The following PDE1C variants were observed in gnomAD, a reference collection of about 807,000 sequenced individuals.
PDE1C encodes phosphodiesterase 1C, also known as dual specificity calcium/calmodulin-dependent 3',5'-cyclic nucleotide phosphodiesterase 1C.
PDE1C carries 62 observed loss-of-function variants against 93.1 expected under a neutral mutation model. The observed-to-expected ratio is 0.67, with a 90% CI of 0.54 to 0.82. The LOEUF (loss-of-function observed/expected upper bound fraction) is 0.82. PDE1C is among the 40% of genes least tolerant of loss of function. PDE1C has a pLI of 0.00. For synonymous variants in PDE1C, 325 were observed against 310.1 expected (o/e 1.05, Z -0.50); for missense variants, 742 against 884.6 (o/e 0.84, Z 2.04).
At chr7:31,893,541 CT>C in intron 2 of PDE1C, 1 of 968,948 alleles carries the variant, frequency 1.0e-6, no homozygotes, top group Non-Finnish European at 1.2e-6. Context: ...AATGGGACTC[CT>C]TTCACTTTTA....
intron 1 of PDE1C, among the ~76,000 whole-genome samples, chr7:32,335,058 T>C (rs1783590993): frequency 6.6e-6 from 1 of 152,236 alleles, no homozygotes; most frequent in African/African-American, 2.4e-5. Context: ...CCCATGCATG[T>C]GAAATATTTA....
the PDE1C span, among the ~76,000 whole-genome samples, chr7:31,711,882 C>T: frequency 9.2e-4 from 140 of 152,276 alleles, no homozygotes; most frequent in Non-Finnish European, 1.6e-3. Flanking sequence ...TGCTTCCCCC[C>T]ACCCTGCTTT....
chr7:31,751,009 G>A (rs531664138), downstream of PDE1C, among the ~76,000 whole-genome samples: 31 of 152,272 alleles, frequency 2.0e-4, no homozygotes, highest in African/African-American at 7.0e-4. Context: ...GGTGTATAGG[G>A]AGAAAAAGGT....
intron 3 of PDE1C, among the ~76,000 whole-genome samples, chr7:32,084,067 A>C (rs1369609431): frequency 6.6e-6 from 1 of 152,138 alleles, no homozygotes; most frequent in African/African-American, 2.4e-5. Context: ...AAATTGGATA[A>C]AGAGTCATGA....
chr7:32,142,603 T>C (rs1472052310), intron 3 of PDE1C, among the ~76,000 whole-genome samples: 1 of 152,144 alleles, frequency 6.6e-6, no homozygotes, highest in Non-Finnish European at 1.5e-5. Context: ...GGAGATAACA[T>C]GCACCACTTC....
chr7:32,138,396 A>C (rs1800326154), intron 3 of PDE1C, among the ~76,000 whole-genome samples: 1 of 152,198 alleles, frequency 6.6e-6, no homozygotes, highest in Admixed American at 6.5e-5. Flanking sequence ...GTCAGTACAT[A>C]ATTATATCAA....
At chr7:31,780,654 C>G (rs752036597) in intron 16 of PDE1C, among the ~76,000 whole-genome samples, 3 of 152,190 alleles carry the variant, frequency 2.0e-5, no homozygotes, top group Non-Finnish European at 4.4e-5. Context: ...GAGAAAACAT[C>G]AATGTCAGGA....
intron 2 of PDE1C, among the ~76,000 whole-genome samples, chr7:31,913,749 T>C (rs73308621): frequency 0.034 from 5,163 of 152,310 alleles, 280 homozygotes; most frequent in African/African-American, 0.12. Flanking sequence ...TGCAAACTTA[T>C]ATTTGTCCTT....
At position 31,957,081 on chromosome 7, in the gene PDE1C, A is replaced by G. The variant is rs114397571; in HGVS notation, c.129-76221T>C. On this transcript the variant is annotated intron_variant, in intron 2 of 17. Transcript: ENST00000396191. ...AATTCATTAATTACTCTTTTTAAAGAGGTAAAAATAATTGCTCTGTATTAA... is the reference window on the plus strand; with the variant it reads ...AATTCATTAATTACTCTTTTTAAAGGGGTAAAAATAATTGCTCTGTATTAA... 9.1e-3 allele frequency among the ~76,000 whole-genome samples: 1,382 copies of G among 151,694 alleles called. 14 individuals are homozygous for G. Among genetic ancestry groups the G allele is most frequent in the African/African-American group, 0.029 (1,201 of 41,262 alleles).
intron 3 of PDE1C, among the ~76,000 whole-genome samples, chr7:32,123,913 A>G (rs1799433307): frequency 6.6e-6 from 1 of 152,208 alleles, no homozygotes; most frequent in Non-Finnish European, 1.5e-5. Flanking sequence ...AGGAAGTCAA[A>G]TTGTGTCTGT....
At chr7:31,755,426 T>C (rs963950066) in intron 17 of PDE1C, among the ~76,000 whole-genome samples, 1 of 152,144 alleles carries the variant, frequency 6.6e-6, no homozygotes. Flanking sequence ...AATAAGCACA[T>C]CTACTGCCCT....
intron 17 of PDE1C, among the ~76,000 whole-genome samples, chr7:31,772,488 G>A (rs935838092): frequency 2.7e-5 from 4 of 148,826 alleles, no homozygotes; most frequent in African/African-American, 1.0e-4. Flanking sequence ...AGCTGTCCCA[G>A]GGCTTCTGCA....
chr7:31,895,370 G>A (rs775899696), intron 2 of PDE1C, among the ~76,000 whole-genome samples: 21 of 152,136 alleles, frequency 1.4e-4, no homozygotes, highest in Admixed American at 2.6e-4. Context: ...AAGACTTCCT[G>A]TGACCAAGCA....
chr7:31,968,695 C>G (rs1359087526), intron 2 of PDE1C, among the ~76,000 whole-genome samples: 25 of 152,130 alleles, frequency 1.6e-4, no homozygotes, highest in Admixed American at 1.6e-3. Flanking sequence ...CATCATGCTA[C>G]CTGACTTCAA....
chr7:32,400,483 T>C (rs538065065), intron 1 of PDE1C, among the ~76,000 whole-genome samples: 32 of 152,334 alleles, frequency 2.1e-4, no homozygotes, highest in African/African-American at 7.5e-4. Flanking sequence ...ATTTGGCTGT[T>C]AAGAGTTACA....
chr7:31,683,250 C>T, the PDE1C span, among the ~76,000 whole-genome samples: 2 of 152,082 alleles, frequency 1.3e-5, no homozygotes, highest in African/African-American at 4.8e-5. Context: ...GCACAATATA[C>T]AAGGGATCTA....
At chr7:31,739,631 T>C in the PDE1C span, among the ~76,000 whole-genome samples, 2 of 152,122 alleles carry the variant, frequency 1.3e-5, no homozygotes, top group African/African-American at 4.8e-5. Context: ...AGCTACAGAA[T>C]AAGTTCAATA....
the PDE1C span, among the ~76,000 whole-genome samples, chr7:31,680,925 GCT>G: frequency 2.6e-5 from 4 of 152,146 alleles, 1 homozygote; most frequent in East Asian, 7.7e-4. Context: ...GCATCAGAAA[GCT>G]CTGATACCTG....
chr7:32,344,070 A>G (rs747172071), intron 1 of PDE1C, among the ~76,000 whole-genome samples: 2 of 152,052 alleles, frequency 1.3e-5, no homozygotes, highest in Non-Finnish European at 2.9e-5. Context: ...TTAATTTTTT[A>G]TTTTTTATTT....
Sources: gnomAD v4.1 joint callset for allele counts (sites outside exome capture counted in the v4.1 genomes callset) on GRCh38, gnomAD v4.1.1 for gene constraint, MANE v1.5 for transcripts, NCBI Gene and HGNC (gene_info 2026-07-23, HGNC 2026-07-21) for gene names.